Variants in VPS13B observed in about 807,000 individuals in gnomAD.
VPS13B encodes the protein intermembrane lipid transfer protein VPS13B.
In VPS13B, 285 loss-of-function variants were observed where a neutral mutation model predicts 426.4. The ratio of observed to expected loss-of-function variants is 0.67; its 90% CI spans 0.61 to 0.74. VPS13B has a LOEUF of 0.74. Ranked by LOEUF, VPS13B falls within the 30% of genes least tolerant of loss-of-function variation. VPS13B has a pLI of 0.00. For synonymous variants in VPS13B, 1,676 were observed against 1,676.4 expected (o/e 1.00, Z 0.01); for missense variants, 4,537 against 4,782.6 (o/e 0.95, Z 1.51).
chr8:99,362,192 G>C (rs949813324), intron 19 of VPS13B, among the ~76,000 whole-genome samples: 4 of 147,782 alleles, frequency 2.7e-5, no homozygotes, highest in Non-Finnish European at 4.4e-5. Flanking sequence ...GCCCAGGCTG[G>C]AGTGCAGTGG....
intron 30 of VPS13B, among the ~76,000 whole-genome samples, chr8:99,539,556 G>A (rs906380794): frequency 6.6e-6 from 1 of 152,084 alleles, no homozygotes; most frequent in Admixed American, 6.6e-5. Flanking sequence ...TACCAACCTG[G>A]TCAGCAAAAC....
chr8:99,651,225 C>T (rs1829802476), intron 34 of VPS13B, among the ~76,000 whole-genome samples: 1 of 151,958 alleles, frequency 6.6e-6, no homozygotes, highest in African/African-American at 2.4e-5. Context: ...AAAGCTAAAG[C>T]AAAATTAAAA....
At chr8:99,673,793 T>C (rs1412405405) in intron 35 of VPS13B, among the ~76,000 whole-genome samples, 1 of 152,020 alleles carries the variant, frequency 6.6e-6, no homozygotes, top group Non-Finnish European at 1.5e-5. Context: ...TAGGTTTAGG[T>C]ATATGGAAAC....
chr8:99,258,703 C>T (rs966133212), intron 17 of VPS13B, among the ~76,000 whole-genome samples: 1 of 151,964 alleles, frequency 6.6e-6, no homozygotes, highest in Non-Finnish European at 1.5e-5. Flanking sequence ...TATATTACTA[C>T]CTGAAAGACT....
At chr8:99,631,769 A>G (rs887718403) in intron 33 of VPS13B, among the ~76,000 whole-genome samples, 4 of 151,808 alleles carry the variant, frequency 2.6e-5, no homozygotes, top group Non-Finnish European at 4.4e-5. Context: ...TTCCCCCTAG[A>G]ACGTAAACTT....
At chr8:99,643,198 C>T (rs1328840493) in intron 34 of VPS13B, among the ~76,000 whole-genome samples, 2 of 151,958 alleles carry the variant, frequency 1.3e-5, no homozygotes, top group Non-Finnish European at 2.9e-5. Context: ...ATACCCTTTC[C>T]CTGAGTTAAT....
At chr8:99,225,916 C>G (rs375484363) in intron 17 of VPS13B, among the ~76,000 whole-genome samples, 14 of 152,046 alleles carry the variant, frequency 9.2e-5, no homozygotes, top group Non-Finnish European at 1.8e-4. Context: ...TTAGACTCAT[C>G]ATGGGAAACT....
At chr8:99,403,652 T>C (rs1213373067) in intron 21 of VPS13B, among the ~76,000 whole-genome samples, 6 of 152,134 alleles carry the variant, frequency 3.9e-5, no homozygotes. Context: ...GGTTAGGTAC[T>C]ATGATTGGCC....
chr8:99,228,970 A>G (rs1816169213), intron 17 of VPS13B, among the ~76,000 whole-genome samples: 1 of 152,096 alleles, frequency 6.6e-6, no homozygotes, highest in East Asian at 1.9e-4. Flanking sequence ...AAGCTCAATC[A>G]TCACATGTTT....
At chr8:99,800,524 A>G (rs1460644169) in intron 43 of VPS13B, among the ~76,000 whole-genome samples, 1 of 152,202 alleles carries the variant, frequency 6.6e-6, no homozygotes, top group Admixed American at 6.5e-5. Flanking sequence ...AAAATGAAAT[A>G]TTTTAATGCA....
chr8:99,556,403 T>A, intron 30 of VPS13B, 47 bp from the exon 31 acceptor site: 1 of 1,578,726 alleles, frequency 6.3e-7, no homozygotes, highest in Non-Finnish European at 8.6e-7. Context: ...ATGGTTATTT[T>A]ATCTGTTTTC....
intron 19 of VPS13B, among the ~76,000 whole-genome samples, chr8:99,336,343 C>T (rs1428936239): frequency 3.3e-5 from 5 of 152,262 alleles, no homozygotes; most frequent in East Asian, 1.9e-4. Context: ...CCCTTCCTTA[C>T]ACCTTATACA....
chr8:99,393,866 A>C (rs1814587304), intron 21 of VPS13B, among the ~76,000 whole-genome samples: 1 of 152,122 alleles, frequency 6.6e-6, no homozygotes, highest in African/African-American at 2.4e-5. Context: ...TTTTATTTTT[A>C]ATTAAAGGAT....
intron 10 of VPS13B, 79 bp from the exon 11 acceptor site, chr8:99,135,517 A>G: frequency 1.3e-6 from 2 of 1,525,642 alleles, no homozygotes; most frequent in South Asian, 2.4e-5. Flanking sequence ...GTAAATGGGC[A>G]TCATAAAATC....
chr8:99,143,074 T>G lies in VPS13B; in HGVS notation c.1752T>G (p.Phe584Leu). The G allele has an allele frequency of 6.2e-7, 1 of 1,614,072 alleles. No homozygotes were observed. The highest frequency in any genetic ancestry group is 8.5e-7 in the Non-Finnish European group (1 of 1,179,958). Reference protein sequence around the residue: ...TKSLVIGPLDFRLDSSAVHRI... With the variant: ...TKSLVIGPLDLRLDSSAVHRI... ...GCCTTGTTATAGGTCCTCTTGATTT[T>G]CGTTTGGATAGCAGTGCGGTGCATA... The change falls in exon 13 of 62, where the codon TTT (phenylalanine) becomes TTG (leucine). Residue 584 changes from phenylalanine to leucine, a missense_variant. This residue lies in a region of VPS13B where 4,311 missense variants were observed against 4,474.3 expected (regional missense o/e 0.96). Transcript: ENST00000357162.
intron 33 of VPS13B, among the ~76,000 whole-genome samples, chr8:99,615,404 T>C (rs1828044805): frequency 6.6e-6 from 1 of 152,286 alleles, no homozygotes; most frequent in Admixed American, 6.5e-5. Context: ...TTTGGGATAG[T>C]ACTCCTTAAT....
rs10710929 is a variant in VPS13B, at chr8:99,859,523, C to CTTTT, written c.11044+55_11044+58dup. The CTTTT allele has an allele frequency of 6.7e-5, 99 of 1,474,398 alleles. No homozygotes were observed. In the African/African-American group the frequency reaches 1.2e-3, roughly 17 times the overall value. 91.3% of individuals were successfully genotyped at this position (1,474,398 alleles called of 1,614,324 possible). A position where few individuals can be genotyped will look rare whatever the true frequency, so the allele number is the denominator to read the frequency against. ...TTGTAATAATGCCTTCACTCCTTCCCTTTTTTTTTTTTTTTAAAGAATGTG... is the reference window on the plus strand; with the variant it reads ...TTGTAATAATGCCTTCACTCCTTCCCTTTTTTTTTTTTTTTTTTTAAAGAATGTG... On this transcript the variant is annotated intron_variant, in intron 57 of 61. Transcript: ENST00000357162.
chr8:99,716,333 C>A (rs1024457191), intron 36 of VPS13B, among the ~76,000 whole-genome samples: 1 of 151,910 alleles, frequency 6.6e-6, no homozygotes, highest in Non-Finnish European at 1.5e-5. Context: ...TTTTAGGGAT[C>A]AAATATCATT....
At position 99,121,338 on chromosome 8, in the gene VPS13B, G is replaced by A; in HGVS notation, c.1099G>A (p.Val367Ile). 1 of 1,614,162 alleles carries A rather than the reference G, an allele frequency of 6.2e-7. No homozygotes were observed. Among genetic ancestry groups the A allele is most frequent in the East Asian group, 2.2e-5 (1 of 44,884 alleles). Residue 367 changes from valine to isoleucine, a missense_variant, in exon 8 of 62, where the codon GTT becomes ATT. Transcript: ENST00000357162. ...VSYDDGEEDF[V>I]GNDPASTMHQ... ...TTATGACGATGGCGAGGAAGACTTTGTTGGGAACGATCCTGCATCAACCAT... is the reference window on the plus strand; with the variant it reads ...TTATGACGATGGCGAGGAAGACTTTATTGGGAACGATCCTGCATCAACCAT...
Sources: gnomAD v4.1 joint callset for allele counts (sites outside exome capture counted in the v4.1 genomes callset) on GRCh38, gnomAD v4.1.1 for gene constraint, gnomAD v4.1.1 regional missense constraint, MANE v1.5 for transcripts, NCBI Gene and HGNC (gene_info 2026-07-23, HGNC 2026-07-21) for gene names.